Variants in AGBL4 observed in about 807,000 individuals in gnomAD.
The protein encoded by AGBL4 is cytosolic carboxypeptidase 6.
AGBL4 carries 58 observed loss-of-function variants against 66.4 expected under a neutral mutation model. That is an observed-to-expected ratio of 0.87 (90% confidence interval 0.71 to 1.09). The LOEUF (loss-of-function observed/expected upper bound fraction) is 1.09. AGBL4 is among the 50% of genes least tolerant of loss of function. The pLI, the probability that AGBL4 is intolerant of heterozygous loss-of-function variation, is 0.00. For synonymous variants in AGBL4, 234 were observed against 222.9 expected, an observed-to-expected ratio of 1.05 and a Z score of -0.44; for missense variants, 579 against 631.0, an observed-to-expected ratio of 0.92 and a Z score of 0.88.
chr1:49,346,642 A>G (rs1259466273), intron 3 of AGBL4, among the ~76,000 whole-genome samples: 1 of 152,194 alleles, frequency 6.6e-6, no homozygotes, highest in Non-Finnish European at 1.5e-5. Context: ...TCCTCACCAT[A>G]CTGATACTTT....
chr1:48,981,181 T>C (rs569813252), intron 5 of AGBL4, among the ~76,000 whole-genome samples: 88 of 152,322 alleles, frequency 5.8e-4, no homozygotes, highest in Middle Eastern at 6.8e-3. Flanking sequence ...GTGTATTTTG[T>C]TACGAGGCCT....
At chr1:48,640,017 A>G (rs1259415319) in intron 8 of AGBL4, among the ~76,000 whole-genome samples, 1 of 152,130 alleles carries the variant, frequency 6.6e-6, no homozygotes, top group Admixed American at 6.5e-5. Context: ...TGAATGCAAA[A>G]TCCTGGGTCC....
intron 4 of AGBL4, among the ~76,000 whole-genome samples, chr1:49,097,196 C>T (rs886317093): frequency 3.3e-5 from 5 of 152,116 alleles, no homozygotes; most frequent in African/African-American, 9.7e-5. Flanking sequence ...CATACATATG[C>T]GTACCAAAAG....
At chr1:48,722,571 C>G (rs1647169198) in intron 6 of AGBL4, among the ~76,000 whole-genome samples, 1 of 152,126 alleles carries the variant, frequency 6.6e-6, no homozygotes, top group African/African-American at 2.4e-5. Context: ...CAGTGTCAGT[C>G]TCTCTGGCTC....
At chr1:49,391,774 G>A (rs1051847247) in intron 3 of AGBL4, among the ~76,000 whole-genome samples, 3 of 152,092 alleles carry the variant, frequency 2.0e-5, no homozygotes, top group African/African-American at 7.2e-5. Flanking sequence ...TGTTAGCCAG[G>A]ATGGTCTTGA....
chr1:49,161,323 G>A (rs544784001), intron 4 of AGBL4, among the ~76,000 whole-genome samples: 1 of 152,240 alleles, frequency 6.6e-6, no homozygotes, highest in East Asian at 1.9e-4. Context: ...CTGACCCCTT[G>A]CACTTCCTGG....
intron 1 of AGBL4, among the ~76,000 whole-genome samples, chr1:49,910,701 C>G (rs1283485356): frequency 6.6e-6 from 1 of 151,504 alleles, no homozygotes; most frequent in African/African-American, 2.4e-5. Flanking sequence ...CCGCGCCAGG[C>G]ACGGTGGCTC....
chr1:49,570,721 C>T (rs935381334), intron 3 of AGBL4, among the ~76,000 whole-genome samples: 8 of 151,976 alleles, frequency 5.3e-5, no homozygotes, highest in African/African-American at 1.9e-4. Flanking sequence ...AGATTCATGT[C>T]TTACATTTAA....
intron 9 of AGBL4, among the ~76,000 whole-genome samples, chr1:48,598,099 G>A (rs1050084022): frequency 2.6e-5 from 4 of 152,206 alleles, no homozygotes; most frequent in African/African-American, 7.2e-5. Context: ...GCTAAGCCTG[G>A]ACAGGTTTGC....
chr1:48,759,224 G>A, intron 6 of AGBL4: 4 of 1,603,030 alleles, frequency 2.5e-6, no homozygotes, highest in East Asian at 2.3e-5. Context: ...TTCTCTAGCC[G>A]AGCCACCACT....
intron 4 of AGBL4, among the ~76,000 whole-genome samples, chr1:49,108,492 C>A (rs1395703010): frequency 2.6e-5 from 4 of 152,002 alleles, no homozygotes; most frequent in Non-Finnish European, 5.9e-5. Flanking sequence ...TGATTGCAAA[C>A]CAAATGAACA....
intron 1 of AGBL4, among the ~76,000 whole-genome samples, chr1:49,979,733 A>T (rs189292075): frequency 8.5e-5 from 13 of 152,324 alleles, no homozygotes; most frequent in Admixed American, 5.2e-4. Context: ...GCATTAAAAA[A>T]TAGTCTTTCT....
intron 1 of AGBL4, among the ~76,000 whole-genome samples, chr1:49,863,414 A>C (rs1312737241): frequency 6.6e-6 from 1 of 152,188 alleles, no homozygotes; most frequent in Non-Finnish European, 1.5e-5. Context: ...CAGACAACCA[A>C]AGCAACAATG....
chr1:49,159,655 T>C (rs1646503098), intron 4 of AGBL4, among the ~76,000 whole-genome samples: 1 of 152,220 alleles, frequency 6.6e-6, no homozygotes, highest in African/African-American at 2.4e-5. Flanking sequence ...CTGAAGTGCA[T>C]TTTCCAACTT....
intron 6 of AGBL4, among the ~76,000 whole-genome samples, chr1:48,754,160 C>T (rs1211576178): frequency 2.0e-5 from 3 of 152,158 alleles, no homozygotes; most frequent in African/African-American, 2.4e-5. Context: ...ACACCGTAGC[C>T]TTGGACTTTG....
intron 3 of AGBL4, among the ~76,000 whole-genome samples, chr1:49,342,127 A>G (rs1283353742): frequency 6.6e-6 from 1 of 152,154 alleles, no homozygotes; most frequent in Non-Finnish European, 1.5e-5. Context: ...AGTCCCAAGA[A>G]GATCATTCTC....
chr1:49,553,319 T>A (rs1485596815), intron 3 of AGBL4, among the ~76,000 whole-genome samples: 1 of 152,194 alleles, frequency 6.6e-6, no homozygotes, highest in African/African-American at 2.4e-5. Flanking sequence ...CATCATCATA[T>A]CCTATGTCAT....
At chr1:48,627,506 A>C (rs748490520) in intron 9 of AGBL4, among the ~76,000 whole-genome samples, 1 of 151,928 alleles carries the variant, frequency 6.6e-6, no homozygotes, top group Admixed American at 6.6e-5. Flanking sequence ...TCTGTTTGTC[A>C]AGTAAATGTG....
In AGBL4 at chr1:48,533,880, G is replaced by A. The variant is rs1373607585; in HGVS notation, c.*293C>T. 7 of 424,486 alleles carry A rather than the reference G, an allele frequency of 1.6e-5. No homozygotes were observed. Among genetic ancestry groups the A allele is most frequent in the Non-Finnish European group, 2.6e-5 (6 of 228,890 alleles). 26.3% of individuals were successfully genotyped at this position (424,486 alleles called of 1,614,324 possible). A position where few individuals can be genotyped will look rare whatever the true frequency, so the allele number is the denominator to read the frequency against. ...ATGTGTCAAATCTCTTAAAAGGGAT[G>A]TGTAGGTTTTCCTCATCTTGGAAGA... On this transcript the variant is annotated 3_prime_UTR_variant, in exon 14 of 14. Transcript: ENST00000371839.
Sources: allele counts gnomAD v4.1 joint callset (sites outside exome capture counted in the v4.1 genomes callset), GRCh38; gene constraint gnomAD v4.1.1; transcripts MANE v1.5; gene names NCBI Gene and HGNC (gene_info 2026-07-23, HGNC 2026-07-21).